Variants in ACOXL observed in about 807,000 individuals in gnomAD.
ACOXL encodes the protein acyl-CoA oxidase like, also known as acyl-coenzyme A oxidase-like protein.
Under a neutral mutation model 71.9 loss-of-function variants are expected in ACOXL, and 70 were observed. The observed-to-expected ratio is 0.97, with a 90% confidence interval of 0.80 to 1.19. The LOEUF (loss-of-function observed/expected upper bound fraction) is 1.19, where lower values mean the gene tolerates loss of function less well. Ranked by LOEUF, ACOXL falls within the 50% of genes most tolerant of loss-of-function variation. The pLI is 0.00. For synonymous variants in ACOXL, 253 were observed against 281.6 expected (o/e 0.90, Z 1.02); for missense variants, 703 against 736.3 (o/e 0.95, Z 0.52).
chr2:110,878,150 G>A (rs1573955776), intron 10 of ACOXL, among the ~76,000 whole-genome samples: 1 of 152,256 alleles, frequency 6.6e-6, no homozygotes, highest in Non-Finnish European at 1.5e-5. Flanking sequence ...TTTATGAACA[G>A]TTTCAGTTTG....
chr2:111,115,827 A>G (rs1170180470), intron 17 of ACOXL, among the ~76,000 whole-genome samples: 1 of 152,076 alleles, frequency 6.6e-6, no homozygotes, highest in Admixed American at 6.5e-5. Flanking sequence ...TGGAGGGCAC[A>G]CTCCCTGAAC....
chr2:111,011,667 G>T (rs1260961245), intron 14 of ACOXL, among the ~76,000 whole-genome samples: 1 of 152,124 alleles, frequency 6.6e-6, no homozygotes, highest in Non-Finnish European at 1.5e-5. Context: ...CAGATCGCTT[G>T]AGCCCAGGAG....
chr2:111,062,150 A>T (rs1417803982), intron 16 of ACOXL, among the ~76,000 whole-genome samples: 1 of 152,118 alleles, frequency 6.6e-6, no homozygotes, highest in Non-Finnish European at 1.5e-5. Context: ...TGCAAATATT[A>T]ATTAAAAGAT....
At position 110,871,020 on chromosome 2, in the gene ACOXL, C is replaced by T. The variant is rs1361028403; in HGVS notation, c.788+29615C>T. Among the ~76,000 whole-genome samples, 8 of 152,258 alleles carry T rather than the reference C, an allele frequency of 5.3e-5. No individual in the cohort carries two copies. The South Asian group carries it at 1.2e-3, about 24-fold the overall frequency. ...TTATTTACTGCGTGGGACCCATTTC[C>T]TAGAGACAGACTAATAATGACCTTA... On this transcript the variant is annotated intron_variant, in intron 10 of 17. Transcript: ENST00000439055.
At chr2:110,887,028 A>G (rs1363926886) in intron 10 of ACOXL, 4 of 718,732 alleles carry the variant, frequency 5.6e-6, no homozygotes, top group Non-Finnish European at 6.6e-6. Context: ...CGCTTAGGAG[A>G]TGCTGGCCTG....
chr2:110,781,720 T>C (rs568161700), intron 2 of ACOXL, among the ~76,000 whole-genome samples: 2 of 152,008 alleles, frequency 1.3e-5, no homozygotes, highest in South Asian at 4.2e-4. Context: ...GGAGGGAAGG[T>C]CAGGGCTGGT....
rs764764010 is a variant in ACOXL, at chr2:110,805,361, T to G, written c.719T>G (p.Leu240Ter). Residue 240 changes from leucine (L) to a stop codon, truncating the protein, a stop_gained, in exon 9 of 18, where the codon TTA (leucine) becomes TGA (stop). Transcript: ENST00000439055. LOFTEE classifies it high-confidence loss of function. ...CTGGCAGCACTGACCCCTTCGAGAT[T>G]AGCTGTGGCTTTCCAAGCTATGGGT... The part of the protein sequence containing the change: ...AMLAALTPSR[L>*]AVAFQAMGAM... 6.2e-7 allele frequency: 1 copy of G among 1,614,224 alleles called. No individual in the cohort carries two copies. Among genetic ancestry groups the G allele is most frequent in the South Asian group, 1.1e-5 (1 of 91,088 alleles).
At chr2:110,857,786 C>T (rs1192398726) in intron 10 of ACOXL, among the ~76,000 whole-genome samples, 1 of 152,080 alleles carries the variant, frequency 6.6e-6, no homozygotes, top group Non-Finnish European at 1.5e-5. Context: ...AGTTCGGTGG[C>T]CTGATCTCGG....
In ACOXL at chr2:110,963,590, TG is replaced by T. The variant is rs767988692; in HGVS notation, c.1060-23517del. On this transcript the variant is annotated intron_variant, in intron 12 of 17. Transcript: ENST00000439055. ...ATGTGTGTGTGTGTGTGTGTGTGTGTGTGTGTGTGTGTGTTTTTCTCTTTCT... is the reference window on the plus strand; with the variant it reads ...ATGTGTGTGTGTGTGTGTGTGTGTGTTGTGTGTGTGTGTTTTTCTCTTTCT... 5.8e-4 allele frequency: 930 copies of T among 1,603,640 alleles called. 1 individual carries two copies. Among genetic ancestry groups the T allele is most frequent in the African/African-American group, 1.2e-3 (86 of 73,100 alleles).
At chr2:110,743,542 C>A (rs1677800582) in intron 1 of ACOXL, among the ~76,000 whole-genome samples, 2 of 152,052 alleles carry the variant, frequency 1.3e-5, no homozygotes, top group African/African-American at 4.8e-5. Context: ...AAAAACAAAC[C>A]CAAGTTCAGA....
chr2:111,100,715 C>T (rs1382891646), intron 17 of ACOXL: 1 of 152,892 alleles, frequency 6.5e-6, no homozygotes. Flanking sequence ...AGCACAAGCA[C>T]AAATCCTGTT....
intron 15 of ACOXL, among the ~76,000 whole-genome samples, chr2:111,036,038 A>G (rs1025413452): frequency 3.9e-5 from 6 of 152,382 alleles, no homozygotes; most frequent in South Asian, 4.1e-4. Context: ...GTGTGAATCT[A>G]GGTACTTTCC....
rs72830978 is a variant in ACOXL at position 110,747,818 on chromosome 2, G to A, written c.-23+15044G>A. 4.3e-3 allele frequency among the ~76,000 whole-genome samples: 659 copies of A among 152,132 alleles called. 3 individuals are homozygous for A. The highest frequency in any genetic ancestry group is 8.2e-3 in the Non-Finnish European group (555 of 67,994). ...ATCTGTTTGCATCTCTGCTCATGTG[G>A]TCCTGTTTCTCCCTTTACTTCCTGT... On this transcript the variant is annotated intron_variant, in intron 1 of 17. Transcript: ENST00000439055.
At chr2:111,005,850 T>C (rs2063846238) in intron 14 of ACOXL, among the ~76,000 whole-genome samples, 1 of 152,166 alleles carries the variant, frequency 6.6e-6, no homozygotes, top group South Asian at 2.1e-4. Flanking sequence ...AGAAGTGCCA[T>C]TGATGATGGA....
chr2:110,827,662 C>T (rs1392399870), intron 9 of ACOXL, among the ~76,000 whole-genome samples: 1 of 152,078 alleles, frequency 6.6e-6, no homozygotes, highest in Non-Finnish European at 1.5e-5. Context: ...GCAACACTTT[C>T]AGGGTGGTAT....
chr2:110,836,922 A>T lies in ACOXL; in HGVS notation c.754-4449A>T, dbSNP rs554843017. Among the ~76,000 whole-genome samples the T allele has an allele frequency of 2.6e-5, 4 of 152,354 alleles. No individual in the cohort carries two copies. The South Asian group carries it at 8.3e-4, about 32-fold the overall frequency. Reference sequence around the variant, plus strand: ...TTGCAGGCGGGCGGCCTCCTCGCCAAATCCTGTTGACATGTTTTGTTTGGC... The same window carrying T: ...TTGCAGGCGGGCGGCCTCCTCGCCATATCCTGTTGACATGTTTTGTTTGGC... On this transcript the variant is annotated intron_variant, in intron 9 of 17. Transcript: ENST00000439055.
intron 10 of ACOXL, among the ~76,000 whole-genome samples, chr2:110,864,670 A>G (rs1219419844): frequency 6.6e-6 from 1 of 152,206 alleles, no homozygotes; most frequent in Non-Finnish European, 1.5e-5. Flanking sequence ...AAGAAGAGAG[A>G]GCATTGCTAA....
At chr2:111,005,166 T>C (rs2063813636) in intron 14 of ACOXL, among the ~76,000 whole-genome samples, 1 of 152,202 alleles carries the variant, frequency 6.6e-6, no homozygotes, top group African/African-American at 2.4e-5. Context: ...TCCCACCACA[T>C]TGGTGGTGTC....
chr2:110,769,650 T>TAAAAC (rs367968739), intron 2 of ACOXL, among the ~76,000 whole-genome samples: 2,341 of 151,480 alleles, frequency 0.015, 68 homozygotes, highest in African/African-American at 0.051. Context: ...CTGTTTCTAC[T>TAAAAC]AAAACAAAAC....
Sources: allele counts gnomAD v4.1 joint callset (sites outside exome capture counted in the v4.1 genomes callset), GRCh38; gene constraint gnomAD v4.1.1; transcripts MANE v1.5; gene names NCBI Gene and HGNC (gene_info 2026-07-23, HGNC 2026-07-21).